Variants in ABCA13 observed in about 807,000 individuals in gnomAD.
The protein encoded by ABCA13 is ATP binding cassette subfamily A member 13, also known as ATP-binding cassette sub-family A member 13.
In ABCA13, 476 loss-of-function variants were observed where a neutral mutation model predicts 478.7. The ratio of observed to expected loss-of-function variants is 0.99; its 90% CI spans 0.92 to 1.07. The LOEUF (loss-of-function observed/expected upper bound fraction) is 1.07. Ranked by LOEUF, ABCA13 falls within the 50% of genes least tolerant of loss-of-function variation. ABCA13 has a pLI of 0.00. For synonymous variants in ABCA13, 2,252 were observed against 2,158.9 expected (o/e 1.04, Z -1.20); for missense variants, 6,060 against 5,910.6 (o/e 1.03, Z -0.83).
chr7:48,636,006 T>A (rs1320630908), intron 59 of ABCA13, among the ~76,000 whole-genome samples: 1 of 152,202 alleles, frequency 6.6e-6, no homozygotes, highest in African/African-American at 2.4e-5. Flanking sequence ...GACATCTATT[T>A]ATATCTATTT....
In ABCA13 at chr7:48,229,841, G is replaced by T; in HGVS notation, c.649G>T (p.Glu217Ter). ...QTILNSLISL[E>*]DLDWLPLNQT... Reference sequence around the variant, plus strand: ...TGGTTCTAGTTCCTTAATATCCCTAGAAGATTTAGATTGGCTTCCACTCAA... The same window carrying T: ...TGGTTCTAGTTCCTTAATATCCCTATAAGATTTAGATTGGCTTCCACTCAA... The change falls in exon 7 of 62, where the codon GAA becomes TAA. Residue 217 changes from glutamate (E) to a stop codon, truncating the protein, a stop_gained. Coordinates refer to ENST00000435803, the MANE Select transcript of ABCA13 (RefSeq NM_152701.5). LOFTEE classifies it high-confidence loss of function. 5 of 1,613,970 alleles carry T rather than the reference G, an allele frequency of 3.1e-6. No homozygotes were observed. Among genetic ancestry groups the T allele is most frequent in the Non-Finnish European group, 4.2e-6 (5 of 1,179,882 alleles).
chr7:48,474,773 C>T (rs920457630), intron 45 of ABCA13, among the ~76,000 whole-genome samples: 5 of 152,126 alleles, frequency 3.3e-5, no homozygotes, highest in Admixed American at 3.3e-4. Flanking sequence ...ACACCACGCT[C>T]TTATTCTCTA....
chr7:48,393,829 C>A (rs1029541211), intron 38 of ABCA13, among the ~76,000 whole-genome samples: 1 of 152,210 alleles, frequency 6.6e-6, no homozygotes, highest in African/African-American at 2.4e-5. Context: ...TTTACTTGGC[C>A]TCTCCAGGTG....
chr7:48,637,399 A>AAAAAAAAAAG, intron 59 of ABCA13, among the ~76,000 whole-genome samples: 1 of 147,716 alleles, frequency 6.8e-6, no homozygotes, highest in Non-Finnish European at 1.5e-5. Context: ...AAAAAAAAAA[A>AAAAAAAAAAG]AAAAAAACAG....
chr7:48,555,693 T>C (rs1785749518), intron 55 of ABCA13, among the ~76,000 whole-genome samples: 1 of 151,886 alleles, frequency 6.6e-6, no homozygotes, highest in African/African-American at 2.4e-5. Flanking sequence ...TTTATTTATT[T>C]AGGTTTTCCC....
intron 3 of ABCA13, among the ~76,000 whole-genome samples, chr7:48,200,387 A>G (rs1798507742): frequency 1.3e-5 from 2 of 152,120 alleles, no homozygotes; most frequent in Non-Finnish European, 2.9e-5. Flanking sequence ...AACCCCCCAA[A>G]TTACTTGATA....
chr7:48,412,453 G>C lies in ABCA13; in HGVS notation c.12329G>C (p.Ser4110Thr). The change falls in exon 41 of 62, where the codon AGT (serine) becomes ACT (threonine). Residue 4110 changes from serine to threonine, a missense_variant. Coordinates refer to ENST00000435803, the MANE Select transcript of ABCA13 (RefSeq NM_152701.5). ...PQAFLKDSSG[S>T]ELTYTIPKDT... ...GCATTTCTCAAAGACAGCAGTGGAAGTGAGCTGACCTACACCATTCCAAAG... is the reference window on the plus strand; with the variant it reads ...GCATTTCTCAAAGACAGCAGTGGAACTGAGCTGACCTACACCATTCCAAAG... 1 of 1,613,448 alleles carries C rather than the reference G, an allele frequency of 6.2e-7. No homozygotes were observed. The highest frequency in any genetic ancestry group is 1.1e-5 in the South Asian group (1 of 91,048).
chr7:48,589,235 G>T (rs796377280), intron 57 of ABCA13, among the ~76,000 whole-genome samples: 15 of 152,304 alleles, frequency 9.8e-5, no homozygotes, highest in African/African-American at 3.6e-4. Flanking sequence ...TAATTTATTT[G>T]ATGTTGCTAA....
chr7:48,499,299 C>G (rs1351098070), intron 48 of ABCA13, among the ~76,000 whole-genome samples: 1 of 152,144 alleles, frequency 6.6e-6, no homozygotes, highest in Non-Finnish European at 1.5e-5. Flanking sequence ...TCACTGATAT[C>G]TCATAATGAA....
intron 59 of ABCA13, among the ~76,000 whole-genome samples, chr7:48,637,399 A>C (rs912394279): frequency 2.0e-4 from 30 of 147,822 alleles, no homozygotes; most frequent in African/African-American, 1.8e-4. Context: ...AAAAAAAAAA[A>C]AAAAAAACAG....
rs76269375 is a variant in ABCA13, at chr7:48,389,551, G to A, written c.11654+331G>A. 2.0e-4 allele frequency among the ~76,000 whole-genome samples: 31 copies of A among 152,306 alleles called. No homozygotes were observed. In the East Asian group the frequency reaches 2.9e-3, roughly 14 times the overall value. ...TTGAAAGTCCTTTGGCACTTTCAGC[G>A]TTTGTCCTACTAAGTATCATCTTGC... On this transcript the variant is annotated intron_variant, in intron 37 of 61. Transcript: ENST00000435803.
At chr7:48,184,736 C>T (rs1053866480) in intron 1 of ABCA13, among the ~76,000 whole-genome samples, 2 of 152,168 alleles carry the variant, frequency 1.3e-5, no homozygotes, top group East Asian at 3.9e-4. Flanking sequence ...AGAAGAATTG[C>T]TTGAATCTGG....
chr7:48,385,700 G>A (rs1262533305), intron 35 of ABCA13, among the ~76,000 whole-genome samples: 1 of 152,060 alleles, frequency 6.6e-6, no homozygotes, highest in African/African-American at 2.4e-5. Context: ...TGGGTCAAAT[G>A]GTATTTCTAT....
intron 55 of ABCA13, among the ~76,000 whole-genome samples, chr7:48,560,956 T>C (rs1786391305): frequency 1.3e-5 from 2 of 152,178 alleles, no homozygotes; most frequent in Admixed American, 1.3e-4. Context: ...TATGTGGTAT[T>C]TGTTTTTCTG....
At position 48,241,071 on chromosome 7, in the gene ABCA13, G is replaced by A; in HGVS notation, c.1262+5G>A. 1 of 1,613,908 alleles carries A rather than the reference G, an allele frequency of 6.2e-7. No homozygotes were observed. Among genetic ancestry groups the A allele is most frequent in the Non-Finnish European group, 8.5e-7 (1 of 1,179,866 alleles). On this transcript the variant is annotated splice_donor_5th_base_variant and intron_variant, in intron 10 of 61. Coordinates refer to ENST00000435803, the MANE Select transcript of ABCA13 (RefSeq NM_152701.5). ...TAATCATACATTTCCAAAGATGTAA[G>A]TCGCATTTCCCTGTTTGATTATTGA...
At chr7:48,467,512 G>A (rs1270482638) in intron 44 of ABCA13, among the ~76,000 whole-genome samples, 5 of 152,032 alleles carry the variant, frequency 3.3e-5, no homozygotes, top group Non-Finnish European at 5.9e-5. Flanking sequence ...TGATCTTTTT[G>A]GTATTTAATC....
chr7:48,349,575 G>A (rs1470570329), intron 29 of ABCA13, among the ~76,000 whole-genome samples: 1 of 152,154 alleles, frequency 6.6e-6, no homozygotes, highest in East Asian at 1.9e-4. Context: ...TTTCAAACAT[G>A]GGCTGGGTGC....
At chr7:48,516,924 A>C (rs1283255896) in intron 52 of ABCA13, 43 bp downstream of exon 52, 6 of 1,584,814 alleles carry the variant, frequency 3.8e-6, no homozygotes, top group Non-Finnish European at 5.2e-6. Context: ...CTGCACCTCT[A>C]GTGCAAAGAC....
At chr7:48,484,382 TATC>T (rs1326706968) in intron 47 of ABCA13, among the ~76,000 whole-genome samples, 2 of 152,222 alleles carry the variant, frequency 1.3e-5, no homozygotes, top group Non-Finnish European at 2.9e-5. Context: ...GATATGAAAA[TATC>T]ATTATTAATA....
Sources: gnomAD v4.1 joint callset for allele counts (sites outside exome capture counted in the v4.1 genomes callset) on GRCh38, gnomAD v4.1.1 for gene constraint, MANE v1.5 for transcripts, NCBI Gene and HGNC (gene_info 2026-07-23, HGNC 2026-07-21) for gene names.